Variants in WWP2 observed in about 807,000 individuals in gnomAD.
WWP2 encodes the protein NEDD4-like E3 ubiquitin-protein ligase WWP2.
A neutral mutation model predicts 121.0 loss-of-function variants in WWP2; 57 were observed. The observed-to-expected ratio is 0.47, with a 90% CI of 0.38 to 0.59. The LOEUF (loss-of-function observed/expected upper bound fraction) is 0.59, where lower values mean the gene tolerates loss of function less well. Ranked by LOEUF, WWP2 falls within the 20% of genes least tolerant of loss-of-function variation. The pLI, the probability that WWP2 is intolerant of heterozygous loss-of-function variation, is 0.00. For missense variants in WWP2, 962 were observed against 1,158.9 expected (o/e 0.83, Z 2.47); for synonymous variants, 449 against 441.3 (o/e 1.02, Z -0.22).
chr16:69,926,726 G>A (rs2058645460), intron 11 of WWP2, among the ~76,000 whole-genome samples: 1 of 152,136 alleles, frequency 6.6e-6, no homozygotes, highest in Admixed American at 6.5e-5. Context: ...GCAGATAGCT[G>A]CCCCACATGG....
At position 69,786,976 on chromosome 16, in the gene WWP2, T is replaced by G; in HGVS notation, c.-15-20T>G. The G allele has an allele frequency of 1.3e-6, 2 of 1,589,122 alleles. No homozygotes were observed. Among genetic ancestry groups the G allele is most frequent in the Non-Finnish European group, 1.7e-6 (2 of 1,166,518 alleles). The stretch of plus-strand genomic sequence containing the variant: ...TCTTATCAGATATTCTCTGAATTCT[T>G]TTTTCTGTTTGTCTTACAGCTTCAC... On this transcript the variant is annotated intron_variant, in intron 1 of 23. Transcript: ENST00000359154.
At chr16:69,862,250 A>C (rs1273511732) in intron 6 of WWP2, among the ~76,000 whole-genome samples, 2 of 151,852 alleles carry the variant, frequency 1.3e-5, no homozygotes, top group Admixed American at 6.6e-5. Flanking sequence ...TTTTTAGTAG[A>C]CACGGGATTT....
At position 69,900,366 on chromosome 16, in the gene WWP2, G is replaced by A. The variant is rs140866730; in HGVS notation, c.915-8395G>A. On this transcript the variant is annotated intron_variant, in intron 8 of 23. Transcript: ENST00000359154. ...TTAGAGGCTGGGTGCAGTGGCTCAC[G>A]CCTGTAATCCCAGCACTTTTGGGAG... 2.3e-3 allele frequency among the ~76,000 whole-genome samples: 351 copies of A among 152,132 alleles called. 2 individuals are homozygous for A. The highest frequency in any genetic ancestry group is 5.6e-3 in the South Asian group (27 of 4,818).
intron 7 of WWP2, among the ~76,000 whole-genome samples, chr16:69,874,445 G>A (rs1254710915): frequency 1.3e-5 from 2 of 152,192 alleles, no homozygotes; most frequent in African/African-American, 4.8e-5. Context: ...GATTTATTTA[G>A]CAGCCTTTTT....
chr16:69,905,079 G>A (rs2058267944), intron 8 of WWP2, among the ~76,000 whole-genome samples: 1 of 152,238 alleles, frequency 6.6e-6, no homozygotes, highest in African/African-American at 2.4e-5. Context: ...ACGCCCAGCT[G>A]TAGCTGTTTA....
rs2291959 is a variant in WWP2, at chr16:69,840,089, T to A, written c.341-37T>A. Reference sequence around the variant, plus strand: ...GAGAATCTTAACTTGGGGTGCATTCTCTTTAGCCCATCCATGTTGCCTTTT... The same window carrying A: ...GAGAATCTTAACTTGGGGTGCATTCACTTTAGCCCATCCATGTTGCCTTTT... On this transcript the variant is annotated intron_variant, in intron 4 of 23. Transcript: ENST00000359154. 1.8e-5 allele frequency: 29 copies of A among 1,612,324 alleles called. No homozygotes were observed. The African/African-American group carries it at 3.2e-4, about 18-fold the overall frequency.
chr16:69,934,999 C>T (rs1050653406), intron 17 of WWP2, among the ~76,000 whole-genome samples: 2 of 151,986 alleles, frequency 1.3e-5, no homozygotes, highest in Admixed American at 6.5e-5. Context: ...GGCGTCCCAG[C>T]GTCTGTATTT....
intron 8 of WWP2, among the ~76,000 whole-genome samples, chr16:69,901,480 T>C (rs1226438547): frequency 6.6e-6 from 1 of 152,178 alleles, no homozygotes; most frequent in Admixed American, 6.5e-5. Flanking sequence ...TGGCGCGATC[T>C]CAGCTCATTG....
rs573966779 is a variant in WWP2, at chr16:69,932,279, G to A, written c.1682+389G>A. On this transcript the variant is annotated intron_variant, in intron 16 of 23. Transcript: ENST00000359154. ...GGGAGGCAGGAGGTTGCAGTGAGCC[G>A]AGATCGTGCCATTGCACTCCATCCT... 3.9e-4 allele frequency among the ~76,000 whole-genome samples: 59 copies of A among 152,364 alleles called. 1 individual carries two copies. Among genetic ancestry groups the A allele is most frequent in the Admixed American group, 1.8e-3 (28 of 15,308 alleles).
At chr16:69,805,344 A>T (rs2056253544) in intron 4 of WWP2, among the ~76,000 whole-genome samples, 1 of 151,946 alleles carries the variant, frequency 6.6e-6, no homozygotes, top group Non-Finnish European at 1.5e-5. Flanking sequence ...CCTGCTTGGT[A>T]GACTTTTATG....
chr16:69,939,623 A>G (rs1430862952), intron 23 of WWP2, among the ~76,000 whole-genome samples: 2 of 152,122 alleles, frequency 1.3e-5, no homozygotes, highest in African/African-American at 4.8e-5. Context: ...TCCAAGAGCT[A>G]CTGCCCCAAG....
intron 9 of WWP2, among the ~76,000 whole-genome samples, chr16:69,913,303 G>A (rs907625994): frequency 6.6e-6 from 1 of 151,606 alleles, no homozygotes; most frequent in Non-Finnish European, 1.5e-5. Flanking sequence ...AAAGTGGTGG[G>A]ATTACAGGCG....
At chr16:69,818,118 C>T (rs908886620) in intron 4 of WWP2, among the ~76,000 whole-genome samples, 2 of 150,990 alleles carry the variant, frequency 1.3e-5, no homozygotes, top group Non-Finnish European at 3.0e-5. Flanking sequence ...TTTTAACTTA[C>T]CTTAGTCTGT....
At chr16:69,853,985 A>G (rs148077590) in intron 6 of WWP2, among the ~76,000 whole-genome samples, 56 of 152,336 alleles carry the variant, frequency 3.7e-4, no homozygotes, top group Admixed American at 3.5e-3. Context: ...AAGTGCACCC[A>G]TAGGAGGAGG....
intron 19 of WWP2, chr16:69,936,745 C>T (rs777487418): frequency 5.6e-5 from 28 of 502,920 alleles, no homozygotes; most frequent in East Asian, 3.6e-4. Context: ...CATCTTTCTC[C>T]GGGCCGAAAG....
At chr16:69,826,965 C>T (rs67149019) in intron 4 of WWP2, among the ~76,000 whole-genome samples, 300 of 13,138 alleles carry the variant, frequency 0.023, 8 homozygotes, top group African/African-American at 0.037. Context: ...GGGGGGGGGG[C>T]GGAGAGAATA....
Position 69,931,601 on chromosome 16 carries a change from A to T in WWP2, c.1593+21A>T, listed in dbSNP as rs1375338440. 13 of 1,613,754 alleles carry T rather than the reference A, an allele frequency of 8.1e-6. No individual in the cohort carries two copies. The South Asian group carries it at 1.4e-4, about 18-fold the overall frequency. On this transcript the variant is annotated intron_variant, in intron 15 of 23. Coordinates refer to ENST00000359154, the MANE Select transcript of WWP2 (RefSeq NM_001270454.2). Reference sequence around the variant, plus strand: ...AACAGGTTAGATCATGGTGCCCGAAACCAGTGGCAGGCCGACGCCCTCCTC... The same window carrying T: ...AACAGGTTAGATCATGGTGCCCGAATCCAGTGGCAGGCCGACGCCCTCCTC...
intron 7 of WWP2, among the ~76,000 whole-genome samples, chr16:69,877,381 G>A (rs553316705): frequency 1.6e-4 from 24 of 152,188 alleles, no homozygotes; most frequent in Admixed American, 3.3e-4. Context: ...AAGAGGGTTC[G>A]GGTCTTGCTC....
chr16:69,829,726 C>G (rs890437860), intron 4 of WWP2, among the ~76,000 whole-genome samples: 1 of 152,174 alleles, frequency 6.6e-6, no homozygotes, highest in African/African-American at 2.4e-5. Context: ...CTTACAGTTG[C>G]AACTTTACAT....
Sources: gnomAD v4.1 joint callset for allele counts (sites outside exome capture counted in the v4.1 genomes callset) on GRCh38, gnomAD v4.1.1 for gene constraint, MANE v1.5 for transcripts, NCBI Gene and HGNC (gene_info 2026-07-23, HGNC 2026-07-21) for gene names.